Variants in MAGI1 observed in about 807,000 individuals in gnomAD.
The protein encoded by MAGI1 is membrane associated guanylate kinase, WW and PDZ domain containing 1.
Under a neutral mutation model 139.9 loss-of-function variants are expected in MAGI1, and 58 were observed. The ratio of observed to expected loss-of-function variants is 0.41; its 90% CI spans 0.34 to 0.52. The LOEUF is 0.52. MAGI1 is among the 20% of genes least tolerant of loss of function. The pLI, the probability that MAGI1 is intolerant of heterozygous loss-of-function variation, is 0.12. For missense variants in MAGI1, 1,874 were observed against 1,901.6 expected (o/e 0.99, Z 0.27); for synonymous variants, 812 against 737.9 (o/e 1.10, Z -1.63).
At chr3:65,880,910 T>C (rs2060300579) in intron 1 of MAGI1, among the ~76,000 whole-genome samples, 1 of 147,474 alleles carries the variant, frequency 6.8e-6, no homozygotes, top group Non-Finnish European at 1.5e-5. Context: ...ATCTCTGGCG[T>C]GTGTGTGTGT....
intron 2 of MAGI1, among the ~76,000 whole-genome samples, chr3:65,540,830 G>A (rs1275516643): frequency 6.6e-6 from 1 of 152,136 alleles, no homozygotes; most frequent in Non-Finnish European, 1.5e-5. Context: ...CAGCCATGTT[G>A]GTAAAATATA....
chr3:65,772,072 G>A (rs936429466), intron 1 of MAGI1, among the ~76,000 whole-genome samples: 2 of 152,098 alleles, frequency 1.3e-5, no homozygotes. Context: ...TTGGTGGTGG[G>A]TGCCTGTAAT....
intron 1 of MAGI1, among the ~76,000 whole-genome samples, chr3:65,808,327 C>G (rs895674179): frequency 4.6e-5 from 7 of 151,804 alleles, no homozygotes; most frequent in African/African-American, 1.5e-4. Flanking sequence ...ATGGTGAAAC[C>G]CTGTCTCTAT....
chr3:65,398,260 T>A (rs532664813), intron 13 of MAGI1, among the ~76,000 whole-genome samples: 2 of 152,196 alleles, frequency 1.3e-5, no homozygotes, highest in African/African-American at 4.8e-5. Context: ...ATGACTGTAA[T>A]CCCAGCACAT....
At chr3:65,941,074 G>A (rs1261271717) in intron 1 of MAGI1, among the ~76,000 whole-genome samples, 2 of 152,144 alleles carry the variant, frequency 1.3e-5, no homozygotes, top group East Asian at 1.9e-4. Context: ...TGCCGGGCAC[G>A]GTGGCTCATG....
intron 1 of MAGI1, among the ~76,000 whole-genome samples, chr3:65,932,165 C>T (rs909474818): frequency 2.0e-5 from 3 of 152,204 alleles, no homozygotes; most frequent in Non-Finnish European, 4.4e-5. Context: ...TGAACTTGCA[C>T]TCTTCTGATA....
At chr3:66,014,619 A>G (rs1406449510) in intron 1 of MAGI1, among the ~76,000 whole-genome samples, 1 of 152,214 alleles carries the variant, frequency 6.6e-6, no homozygotes, top group African/African-American at 2.4e-5. Context: ...TTTCCAAAGA[A>G]TAGGTTTCTA....
intron 9 of MAGI1, among the ~76,000 whole-genome samples, chr3:65,439,170 C>T (rs7636978): frequency 1 from 151,807 of 152,302 alleles, 75,657 homozygotes; most frequent in Middle Eastern, 1. Flanking sequence ...TGGAATATTA[C>T]GTCACCATTA....
chr3:65,415,352 A>C (rs1374009975), intron 12 of MAGI1, among the ~76,000 whole-genome samples: 1 of 152,232 alleles, frequency 6.6e-6, no homozygotes, highest in African/African-American at 2.4e-5. Flanking sequence ...AGAAAATAAG[A>C]AACTCTTCAT....
chr3:65,890,743 G>A (rs1223642469), intron 1 of MAGI1, among the ~76,000 whole-genome samples: 1 of 152,204 alleles, frequency 6.6e-6, no homozygotes, highest in East Asian at 1.9e-4. Context: ...CTTGCCCAAG[G>A]CCAGTCATAC....
chr3:65,542,853 T>C (rs1274218853), intron 2 of MAGI1, among the ~76,000 whole-genome samples: 4 of 152,124 alleles, frequency 2.6e-5, no homozygotes, highest in Non-Finnish European at 5.9e-5. Flanking sequence ...AAAGACTTCA[T>C]GACTAAAACA....
Position 65,478,769 on chromosome 3 carries a change from T to C in MAGI1, c.580A>G (p.Ser194Gly), listed in dbSNP as rs1951057865. 2 of 1,613,878 alleles carry C rather than the reference T, an allele frequency of 1.2e-6. No individual in the cohort carries two copies. Among genetic ancestry groups the C allele is most frequent in the South Asian group, 1.1e-5 (1 of 91,086 alleles). The part of the protein sequence containing the change: ...GNYYGTPKPP[S>G]QPVSGKVITT... ...ATCACTTTCCCACTGACTGGCTGGC[T>C]AGGAGGCTTGGGTGTCCCATAATAG... The change falls in exon 4 of 23, where the codon AGC (serine) becomes GGC (glycine). Residue 194 changes from serine (S) to glycine (G), a missense_variant. This residue lies in a region of MAGI1 where 648 missense variants were observed against 598.1 expected (regional missense o/e 1.08). Coordinates refer to ENST00000402939, the MANE Select transcript of MAGI1 (RefSeq NM_001033057.2).
chr3:65,953,307 T>C (rs1438112181), intron 1 of MAGI1, among the ~76,000 whole-genome samples: 1 of 152,172 alleles, frequency 6.6e-6, no homozygotes, highest in Non-Finnish European at 1.5e-5. Flanking sequence ...ACCAAAGGCC[T>C]TCATGAGGAA....
intron 1 of MAGI1, among the ~76,000 whole-genome samples, chr3:65,964,910 A>G (rs549168858): frequency 6.6e-6 from 1 of 152,330 alleles, no homozygotes; most frequent in African/African-American, 2.4e-5. Context: ...AAATGGAAAG[A>G]ATTTCAATAA....
intron 1 of MAGI1, among the ~76,000 whole-genome samples, chr3:65,936,198 C>G (rs1218652241): frequency 6.6e-6 from 1 of 152,170 alleles, no homozygotes; most frequent in Admixed American, 6.5e-5. Context: ...ACCACAGACA[C>G]AGTACCTATG....
chr3:65,805,558 T>A (rs1276961826), intron 1 of MAGI1, among the ~76,000 whole-genome samples: 1 of 152,118 alleles, frequency 6.6e-6, no homozygotes, highest in Non-Finnish European at 1.5e-5. Flanking sequence ...GAACCAGAAA[T>A]ACCATTTGAC....
intron 1 of MAGI1, among the ~76,000 whole-genome samples, chr3:65,751,999 G>C (rs992441238): frequency 1.3e-5 from 2 of 152,192 alleles, no homozygotes; most frequent in African/African-American, 4.8e-5. Context: ...CTGGAGTGCA[G>C]TGGCACAATC....
Position 65,448,056 on chromosome 3 carries a change from T to C in MAGI1, c.1044A>G (p.Glu348=), listed in dbSNP as rs1189024365. 6.2e-7 allele frequency: 1 copy of C among 1,614,038 alleles called. No individual in the cohort carries two copies. The highest frequency in any genetic ancestry group is 1.1e-5 in the South Asian group (1 of 91,078). The change falls in exon 7 of 23, where the codon GAA becomes GAG. Residue 348 remains glutamate, a splice_region_variant and synonymous_variant. Transcript: ENST00000402939. The stretch of plus-strand genomic sequence containing the variant: ...TGTCCAGCTCCTCGGTGTGTACCCC[T>C]TCTTCTCCAAAGGAATAGCAGGAAT... The part of the protein sequence containing the change: ...QKPLEECEDD[E]GVHTEELDSE...
In MAGI1 at chr3:65,578,484, C is replaced by T. The variant is rs944638152; in HGVS notation, c.430+43488G>A. 9.9e-5 allele frequency among the ~76,000 whole-genome samples: 15 copies of T among 152,208 alleles called. No individual in the cohort carries two copies. The South Asian group carries it at 1.0e-3, about 11-fold the overall frequency. The stretch of plus-strand genomic sequence containing the variant: ...TATAAAATTATCCTCTCCTATTCTT[C>T]TTTGTTCCCACTTGTGGCATCTAGC... On this transcript the variant is annotated intron_variant, in intron 2 of 22. Coordinates refer to ENST00000402939, the MANE Select transcript of MAGI1 (RefSeq NM_001033057.2).
Sources: allele counts gnomAD v4.1 joint callset (sites outside exome capture counted in the v4.1 genomes callset), GRCh38; gene constraint gnomAD v4.1.1; regional missense constraint gnomAD v4.1.1; transcripts MANE v1.5; gene names NCBI Gene and HGNC (gene_info 2026-07-23, HGNC 2026-07-21).